PHACTR3: variants seen among roughly 807,000 people sequenced by gnomAD.
PHACTR3 encodes the protein phosphatase and actin regulator 3.
In PHACTR3, 16 loss-of-function variants were observed where a neutral mutation model predicts 66.8. The ratio of observed to expected loss-of-function variants is 0.24; its 90% CI spans 0.16 to 0.36. The LOEUF (loss-of-function observed/expected upper bound fraction) is 0.36. Ranked by LOEUF, PHACTR3 falls within the 10% of genes least tolerant of loss-of-function variation. The probability of loss-of-function intolerance (pLI) is 1.00; values close to 1 mark genes in which losing one functional copy is unlikely to be tolerated. For synonymous variants in PHACTR3, 323 were observed against 292.1 expected (o/e 1.11, Z -1.08); for missense variants, 647 against 719.9 (o/e 0.90, Z 1.16).
chr20:59,697,715 T>C (rs2037351812), intron 1 of PHACTR3, among the ~76,000 whole-genome samples: 1 of 152,212 alleles, frequency 6.6e-6, no homozygotes, highest in Non-Finnish European at 1.5e-5. Context: ...CAGGACATTT[T>C]TCACCTAAGA....
Position 59,687,751 on chromosome 20 carries a change from C to T in PHACTR3, c.119-55356C>T, listed in dbSNP as rs141119328. ...ACTGGTACCTGGAACAGATACTTAT[C>T]TTGTAGCTGCCACCAAGAAACACTT... On this transcript the variant is annotated intron_variant, in intron 1 of 12. Coordinates refer to ENST00000371015, the MANE Select transcript of PHACTR3 (RefSeq NM_080672.5). Among the ~76,000 whole-genome samples the T allele has an allele frequency of 6.6e-5, 10 of 152,260 alleles. No individual in the cohort carries two copies. In the East Asian group the frequency reaches 1.9e-3, roughly 29 times the overall value.
chr20:59,640,718 G>A (rs75330287), intron 1 of PHACTR3, among the ~76,000 whole-genome samples: 1 of 152,146 alleles, frequency 6.6e-6, no homozygotes, highest in South Asian at 2.1e-4. Context: ...GAGATCATAG[G>A]GTTGTAAATT....
intron 7 of PHACTR3, among the ~76,000 whole-genome samples, chr20:59,798,355 C>A (rs1263927377): frequency 2.6e-5 from 4 of 152,182 alleles, no homozygotes; most frequent in Non-Finnish European, 5.9e-5. Flanking sequence ...TAAGTTTCAA[C>A]ATGAATTTTG....
At chr20:59,670,393 C>T (rs73915042) in intron 1 of PHACTR3, among the ~76,000 whole-genome samples, 2,072 of 152,234 alleles carry the variant, frequency 0.014, 42 homozygotes, top group African/African-American at 0.047. Context: ...ATGGGGCCAC[C>T]TTTTGAGGCA....
chr20:59,688,546 G>T (rs2036984364), intron 1 of PHACTR3, among the ~76,000 whole-genome samples: 1 of 152,152 alleles, frequency 6.6e-6, no homozygotes. Flanking sequence ...GTTGCTAGGA[G>T]TTCCAGCATC....
chr20:59,823,280 G>T (rs913044749), intron 8 of PHACTR3, among the ~76,000 whole-genome samples: 1 of 152,124 alleles, frequency 6.6e-6, no homozygotes, highest in Non-Finnish European at 1.5e-5. Context: ...GTCTTTATAG[G>T]AGTCCTAACG....
Position 59,820,963 on chromosome 20 carries a change from A to G in PHACTR3, c.1328+14769A>G, listed in dbSNP as rs371180534. ...GCTCAGATGCTTGCAGGGACTAAAT[A>G]CCACACAGTCCTGCTTCACCCAGGA... On this transcript the variant is annotated intron_variant, in intron 8 of 12. Transcript: ENST00000371015. The surrounding 1 kb of genome is among the most constrained non-coding windows in gnomAD (Gnocchi z 4.6). Among the ~76,000 whole-genome samples the G allele has an allele frequency of 3.4e-4, 51 of 151,990 alleles. No individual in the cohort carries two copies. The highest frequency in any genetic ancestry group is 1.2e-3 in the African/African-American group (50 of 41,376).
chr20:59,587,498 C>G (rs927572128), intron 1 of PHACTR3, among the ~76,000 whole-genome samples: 11 of 152,226 alleles, frequency 7.2e-5, no homozygotes, highest in African/African-American at 2.7e-4. Context: ...CTATTGCTGC[C>G]AGAACAATTT....
intron 8 of PHACTR3, among the ~76,000 whole-genome samples, chr20:59,813,832 C>T (rs893454538): frequency 2.6e-5 from 4 of 152,170 alleles, no homozygotes; most frequent in African/African-American, 9.7e-5. Flanking sequence ...TCCACACAGA[C>T]CTCCTCTTGT....
intron 7 of PHACTR3, among the ~76,000 whole-genome samples, chr20:59,778,978 G>T (rs2040631571): frequency 6.6e-6 from 1 of 152,208 alleles, no homozygotes; most frequent in Non-Finnish European, 1.5e-5. Flanking sequence ...TGTCTGCACC[G>T]TGCAATGTGT....
At chr20:59,832,218 G>A (rs1174828976) in intron 8 of PHACTR3, among the ~76,000 whole-genome samples, 1 of 152,138 alleles carries the variant, frequency 6.6e-6, no homozygotes, top group African/African-American at 2.4e-5. Context: ...CTCTCTCTGA[G>A]CCTCAAGGGT....
intron 1 of PHACTR3, among the ~76,000 whole-genome samples, chr20:59,671,058 G>A (rs2036179857): frequency 6.6e-6 from 1 of 152,206 alleles, no homozygotes; most frequent in South Asian, 2.1e-4. Context: ...TCCAATGGGA[G>A]AGAGCATTTG....
chr20:59,718,823 G>A (rs749819453), intron 1 of PHACTR3, among the ~76,000 whole-genome samples: 1 of 152,204 alleles, frequency 6.6e-6, no homozygotes, highest in Non-Finnish European at 1.5e-5. Flanking sequence ...TCAGCCTTGC[G>A]GAGATGGCGG....
At chr20:59,707,796 T>A (rs2146634299) in intron 1 of PHACTR3, among the ~76,000 whole-genome samples, 1 of 152,264 alleles carries the variant, frequency 6.6e-6, no homozygotes, top group South Asian at 2.1e-4. Flanking sequence ...CGAACGTGCC[T>A]GCTACCCCTT....
intron 1 of PHACTR3, among the ~76,000 whole-genome samples, chr20:59,664,779 C>T (rs1601039669): frequency 6.6e-6 from 1 of 152,210 alleles, no homozygotes; most frequent in East Asian, 1.9e-4. Flanking sequence ...ACTGGAGGCA[C>T]CATACGTCTT....
chr20:59,662,400 A>C (rs997203344), intron 1 of PHACTR3, among the ~76,000 whole-genome samples: 17 of 152,040 alleles, frequency 1.1e-4, no homozygotes, highest in Non-Finnish European at 1.9e-4. Flanking sequence ...ATGAGGAATG[A>C]GAGGTGGAGA....
intron 1 of PHACTR3, among the ~76,000 whole-genome samples, chr20:59,735,325 G>A (rs1032264834): frequency 1.3e-5 from 2 of 152,108 alleles, no homozygotes; most frequent in East Asian, 3.9e-4. Flanking sequence ...GCCCTCAGCC[G>A]ATATGATGAA....
At chr20:59,841,561 G>A (rs758204316) in intron 11 of PHACTR3, 26 bp downstream of exon 11, 2 of 1,604,836 alleles carry the variant, frequency 1.2e-6, no homozygotes, top group Non-Finnish European at 1.7e-6. Flanking sequence ...TGCTGGTGGG[G>A]GGTGTTGGAT....
intron 1 of PHACTR3, among the ~76,000 whole-genome samples, chr20:59,728,109 C>T (rs1456794872): frequency 6.6e-6 from 1 of 152,198 alleles, no homozygotes; most frequent in East Asian, 1.9e-4. Context: ...TGGCATCTGC[C>T]ACATGTGTCT....
Sources: allele counts gnomAD v4.1 joint callset (sites outside exome capture counted in the v4.1 genomes callset), GRCh38; gene constraint gnomAD v4.1.1; non-coding constraint Gnocchi (gnomAD v3.1); transcripts MANE v1.5; gene names NCBI Gene and HGNC (gene_info 2026-07-23, HGNC 2026-07-21).